Variants in PLEKHG1 observed in about 807,000 individuals in gnomAD.
The protein encoded by PLEKHG1 is pleckstrin homology domain-containing family G member 1.
A neutral mutation model predicts 100.8 loss-of-function variants in PLEKHG1; 44 were observed. That is an observed-to-expected ratio of 0.44 (90% confidence interval 0.34 to 0.56). PLEKHG1 has a LOEUF of 0.56. PLEKHG1 is among the 20% of genes least tolerant of loss of function. The pLI, the probability that PLEKHG1 is intolerant of heterozygous loss-of-function variation, is 0.01. For synonymous variants in PLEKHG1, 640 were observed against 662.5 expected, an observed-to-expected ratio of 0.97 and a Z score of 0.52; for missense variants, 1,545 against 1,720.9, an observed-to-expected ratio of 0.90 and a Z score of 1.81.
intron 3 of PLEKHG1, among the ~76,000 whole-genome samples, chr6:150,692,991 T>C (rs900424066): frequency 9.2e-5 from 14 of 152,114 alleles, no homozygotes; most frequent in African/African-American, 3.4e-4. Context: ...GGTCAGAACA[T>C]AGAAGGCCTT....
At position 150,840,126 on chromosome 6, in the gene PLEKHG1, C is replaced by T. The variant is rs770150092; in HGVS notation, c.3388C>T (p.Pro1130Ser). The change falls in exon 16 of 16, where the codon CCT (proline) becomes TCT (serine). Residue 1130 changes from proline (P) to serine (S), a missense_variant. Physicochemically the swap from Pro to Ser is moderately conservative, Grantham distance 74. Coordinates refer to ENST00000358517, the Ensembl canonical transcript of PLEKHG1. ...GCAATTGTCCGCAGCTTGCTCTGTG[C>T]CTTCTCTTCAAACCTCTGACCCTCT... is the stretch of plus-strand genomic sequence containing the variant. The T allele has an allele frequency of 4.3e-6, 7 of 1,614,102 alleles. No homozygotes were observed. The African/African-American group carries it at 6.7e-5, about 15-fold the overall frequency.
At chr6:150,737,477 A>G (rs1275123588) in intron 2 of PLEKHG1, among the ~76,000 whole-genome samples, 1 of 151,782 alleles carries the variant, frequency 6.6e-6, no homozygotes, top group Non-Finnish European at 1.5e-5. Context: ...TATTTTTAGT[A>G]GAGACGGGGT....
At chr6:150,697,908 G>A (rs908967017) in intron 3 of PLEKHG1, among the ~76,000 whole-genome samples, 5 of 144,428 alleles carry the variant, frequency 3.5e-5, no homozygotes, top group African/African-American at 1.3e-4. Context: ...AAGACATTTT[G>A]TTATTCTGGC....
chr6:150,673,064 C>T (rs1007328840), intron 3 of PLEKHG1, among the ~76,000 whole-genome samples: 8 of 152,038 alleles, frequency 5.3e-5, no homozygotes, highest in Admixed American at 1.3e-4. Context: ...CATAGTCGGC[C>T]GGAAAGCAAG....
At chr6:150,718,411 C>T (rs1781521263), upstream of PLEKHG1, among the ~76,000 whole-genome samples, 1 of 151,782 alleles carries the variant, frequency 6.6e-6, no homozygotes, top group Non-Finnish European at 1.5e-5. Flanking sequence ...CGCCTCTGCT[C>T]TCAGGTGTGA....
chr6:150,781,060 A>G (rs1785282974), intron 3 of PLEKHG1, among the ~76,000 whole-genome samples: 1 of 151,626 alleles, frequency 6.6e-6, no homozygotes, highest in Non-Finnish European at 1.5e-5. Context: ...TTTTTAATAG[A>G]GAAGGGGTGT....
chr6:150,800,601 C>A, intron 5 of PLEKHG1, 118 bp from the exon 7 acceptor site: 1 of 926,896 alleles, frequency 1.1e-6, no homozygotes, highest in Non-Finnish European at 1.6e-6. Flanking sequence ...GCTGATCTGA[C>A]CACAGCTCTG....
At chr6:150,729,806 C>T (rs1244836727) in intron 1 of PLEKHG1, among the ~76,000 whole-genome samples, 3 of 152,076 alleles carry the variant, frequency 2.0e-5, no homozygotes, top group Admixed American at 6.6e-5. Flanking sequence ...GGCATTGGAA[C>T]ATTTGAAGCT....
intron 3 of PLEKHG1, among the ~76,000 whole-genome samples, chr6:150,711,572 G>C (rs1368761949): frequency 6.6e-6 from 1 of 152,286 alleles, no homozygotes; most frequent in Middle Eastern, 3.4e-3. Flanking sequence ...GTGAGATGTT[G>C]TAAGTGTTAA....
intron 6 of PLEKHG1, 94 bp from the exon 8 acceptor site, chr6:150,804,516 A>C: frequency 9.6e-7 from 1 of 1,038,244 alleles, no homozygotes; most frequent in South Asian, 1.7e-5. Context: ...CAAAAATAAA[A>C]TATAAGGAAC....
intron 1 of PLEKHG1, chr6:150,721,296 G>T (rs553118382): frequency 8.7e-6 from 3 of 345,488 alleles, no homozygotes; most frequent in African/African-American, 2.2e-5. Context: ...GGTGAGAAGG[G>T]GTCGCAGGGG....
At chr6:150,601,714 GCAC>G (rs1776366179) in intron 1 of PLEKHG1, among the ~76,000 whole-genome samples, 1 of 152,192 alleles carries the variant, frequency 6.6e-6, no homozygotes, top group African/African-American at 2.4e-5. Context: ...AGCAATGGCT[GCAC>G]GACCTTCCCC....
chr6:150,615,268 T>C (rs954830245), intron 1 of PLEKHG1, among the ~76,000 whole-genome samples: 3 of 151,518 alleles, frequency 2.0e-5, no homozygotes, highest in African/African-American at 7.2e-5. Context: ...GTATTTGAGA[T>C]GAATAAAGCT....
At chr6:150,668,396 T>G (rs1358035599) in intron 3 of PLEKHG1, among the ~76,000 whole-genome samples, 2 of 152,218 alleles carry the variant, frequency 1.3e-5, no homozygotes, top group African/African-American at 4.8e-5. Context: ...GAGCCAACAG[T>G]TCCCTTTGTA....
chr6:150,672,140 AT>A (rs1344208180), intron 3 of PLEKHG1, among the ~76,000 whole-genome samples: 4 of 152,136 alleles, frequency 2.6e-5, no homozygotes, highest in African/African-American at 9.7e-5. Context: ...ACACAAAAAA[AT>A]ATGCAGATGT....
At chr6:150,766,926 G>A (rs977728475) in intron 2 of PLEKHG1, among the ~76,000 whole-genome samples, 1 of 147,390 alleles carries the variant, frequency 6.8e-6, no homozygotes, top group African/African-American at 2.6e-5. Context: ...CCCCTGCCCC[G>A]CCCCTCATCC....
At chr6:150,768,204 T>C (rs1017408985) in intron 2 of PLEKHG1, among the ~76,000 whole-genome samples, 2 of 152,242 alleles carry the variant, frequency 1.3e-5, no homozygotes, top group African/African-American at 4.8e-5. Context: ...TAACAACAGA[T>C]AGTTTTGTGA....
At chr6:150,675,092 G>A (rs531850911) in intron 3 of PLEKHG1, among the ~76,000 whole-genome samples, 7 of 152,244 alleles carry the variant, frequency 4.6e-5, no homozygotes, top group African/African-American at 1.2e-4. Flanking sequence ...TGACCTAGCC[G>A]AGAAATATTT....
chr6:150,629,467 CTT>C (rs370408016), intron 1 of PLEKHG1, among the ~76,000 whole-genome samples: 1 of 146,740 alleles, frequency 6.8e-6, no homozygotes, highest in Admixed American at 6.8e-5. Flanking sequence ...GAAAACCATC[CTT>C]TTTTTTTTTG....
Sources: gnomAD v4.1 joint callset for allele counts (sites outside exome capture counted in the v4.1 genomes callset) on GRCh38, gnomAD v4.1.1 for gene constraint, MANE v1.5 for transcripts, NCBI Gene and HGNC (gene_info 2026-07-23, HGNC 2026-07-21) for gene names.